WWP2: variants seen among roughly 807,000 people sequenced by gnomAD.
WWP2 encodes WW domain containing E3 ubiquitin protein ligase 2, also known as NEDD4-like E3 ubiquitin-protein ligase WWP2.
Under a neutral mutation model 121.0 loss-of-function variants are expected in WWP2, and 57 were observed. The observed-to-expected ratio is 0.47, with a 90% CI of 0.38 to 0.59. The LOEUF (loss-of-function observed/expected upper bound fraction) is 0.59. WWP2 is among the 20% of genes least tolerant of loss of function. The pLI is 0.00. For missense variants in WWP2, 962 were observed against 1,158.9 expected (o/e 0.83, Z 2.47); for synonymous variants, 449 against 441.3 (o/e 1.02, Z -0.22).
chr16:69,930,820 C>T (rs2058700023), intron 13 of WWP2, among the ~76,000 whole-genome samples: 1 of 152,186 alleles, frequency 6.6e-6, no homozygotes. Context: ...CGCAGTGAGC[C>T]ATGATCACAC....
chr16:69,820,554 T>TA lies in WWP2; in HGVS notation c.341-19557dup, dbSNP rs34777921. Among the ~76,000 whole-genome samples, 687 of 116,688 alleles carry TA rather than the reference T, an allele frequency of 5.9e-3. 52 individuals carry two copies. The highest frequency in any genetic ancestry group is 0.016 in the African/African-American group (567 of 36,568). 76.6% of individuals were successfully genotyped at this position (116,688 alleles called of 152,430 possible). ...CCACCGCTCTTGGCCCCCTGTCTCT[T>TA]AAAAAAAAAAAAAAATAGGACCACA... On this transcript the variant is annotated intron_variant, in intron 4 of 23. Transcript: ENST00000359154.
intron 2 of WWP2, among the ~76,000 whole-genome samples, chr16:69,797,884 A>G (rs1005101910): frequency 1.5e-5 from 2 of 134,244 alleles, no homozygotes; most frequent in Non-Finnish European, 3.1e-5. Context: ...GCCAAACTCT[A>G]TCTCAGAAAA....
Position 69,931,879 on chromosome 16 carries a change from G to A in WWP2, c.1671G>A (p.Gly557=). 1 of 1,613,222 alleles carries A rather than the reference G, an allele frequency of 6.2e-7. No homozygotes were observed. The highest frequency in any genetic ancestry group is 8.5e-7 in the Non-Finnish European group (1 of 1,179,896). ...GTGGCGAGGAGGGCCTGGACTATGG[G>A]GGCATCGCCAGGTGAGCTTGAGTGC... ...IMRGEEGLDY[G]GIAREWFFLL... is the part of the protein sequence containing the mutation. Residue 557 remains glycine (G), a synonymous_variant, in exon 16 of 24, where the codon GGG becomes GGA. Coordinates refer to ENST00000359154, the MANE Select transcript of WWP2 (RefSeq NM_001270454.2).
intron 7 of WWP2, among the ~76,000 whole-genome samples, chr16:69,879,993 C>CT (rs113061460): frequency 0.072 from 10,750 of 149,022 alleles, 417 homozygotes; most frequent in Middle Eastern, 0.12. Context: ...AAATGAGATA[C>CT]TTTTTTTTTT....
intron 5 of WWP2, among the ~76,000 whole-genome samples, chr16:69,841,400 G>A (rs1597035348): frequency 6.6e-6 from 1 of 152,142 alleles, no homozygotes; most frequent in East Asian, 1.9e-4. Flanking sequence ...GGCCAAGGTG[G>A]GAGTGTGGGG....
intron 1 of WWP2, among the ~76,000 whole-genome samples, chr16:69,784,209 C>G (rs889654102): frequency 6.6e-6 from 1 of 150,404 alleles, no homozygotes; most frequent in Non-Finnish European, 1.5e-5. Context: ...CAGCAATTCT[C>G]CTGCCTCAGC....
At chr16:69,905,024 C>A (rs977548356) in intron 8 of WWP2, among the ~76,000 whole-genome samples, 1 of 152,140 alleles carries the variant, frequency 6.6e-6, no homozygotes, top group African/African-American at 2.4e-5. Flanking sequence ...GGGTTCCAGC[C>A]AGTCACAGGC....
At chr16:69,864,813 T>C (rs1207950683) in intron 6 of WWP2, among the ~76,000 whole-genome samples, 5 of 151,836 alleles carry the variant, frequency 3.3e-5, no homozygotes, top group African/African-American at 9.7e-5. Flanking sequence ...GGTTTCACCA[T>C]GTTGGCCAGG....
intron 7 of WWP2, among the ~76,000 whole-genome samples, chr16:69,877,190 C>T (rs566642754): frequency 8.5e-5 from 13 of 152,332 alleles, no homozygotes; most frequent in Non-Finnish European, 1.3e-4. Context: ...TGGCCAACCC[C>T]GTCAATGATC....
chr16:69,908,760 G>C lies in WWP2; in HGVS notation c.915-1G>C. On this transcript the variant is annotated splice_acceptor_variant, in intron 8 of 23. Coordinates refer to ENST00000359154, the MANE Select transcript of WWP2 (RefSeq NM_001270454.2). LOFTEE classifies it high-confidence loss of function. ...ATGCTACCCTTGACTTTATTTTTCA[G>C]ATGGGAACAGCGAGAGCTGCCCAAC... 6.2e-7 allele frequency: 1 copy of C among 1,614,050 alleles called. No homozygotes were observed. Among genetic ancestry groups the C allele is most frequent in the African/African-American group, 1.3e-5 (1 of 75,034 alleles).
chr16:69,847,179 G>A (rs2057098020), intron 6 of WWP2, among the ~76,000 whole-genome samples: 1 of 152,116 alleles, frequency 6.6e-6, no homozygotes, highest in African/African-American at 2.4e-5. Flanking sequence ...CTGCCTCCCA[G>A]GTTCAAGCAA....
At chr16:69,890,806 T>C (rs955017755) in intron 8 of WWP2, 2 of 152,146 alleles carry the variant, frequency 1.3e-5, no homozygotes, top group Non-Finnish European at 2.9e-5. Context: ...TTATTCTAAG[T>C]CTGGCAGATC....
intron 8 of WWP2, among the ~76,000 whole-genome samples, chr16:69,904,895 C>T (rs1158974344): frequency 6.6e-6 from 1 of 152,204 alleles, no homozygotes; most frequent in Non-Finnish European, 1.5e-5. Flanking sequence ...AAGCAAGAGG[C>T]CGTTAGCCTG....
Position 69,935,179 on chromosome 16 carries a change from T to G in WWP2, c.1843-674T>G, listed in dbSNP as rs1448802078. 1.3e-5 allele frequency among the ~76,000 whole-genome samples: 2 copies of G among 152,184 alleles called. No individual in the cohort carries two copies. The highest frequency in any genetic ancestry group is 4.8e-5 in the African/African-American group (2 of 41,448). ...TGTTTCAATTCTCCTTTCCTTCGCT[T>G]CTTCCCCTGCCTTCCTGAGTGTCCC... On this transcript the variant is annotated intron_variant, in intron 17 of 23. Transcript: ENST00000359154. The surrounding 1 kb of genome is among the most constrained non-coding windows in gnomAD (Gnocchi z 5.2).
chr16:69,886,303 C>G (rs961824470), intron 7 of WWP2, among the ~76,000 whole-genome samples: 1 of 152,162 alleles, frequency 6.6e-6, no homozygotes, highest in African/African-American at 2.4e-5. Flanking sequence ...TCTGGAATTC[C>G]TGGGCTCAAG....
chr16:69,926,210 A>G (rs2058637637), intron 11 of WWP2: 1 of 152,224 alleles, frequency 6.6e-6, no homozygotes, highest in Non-Finnish European at 1.5e-5. Context: ...AAGAGTAGCC[A>G]TGCAAAAAGG....
intron 6 of WWP2, 46 bp downstream of exon 6, chr16:69,842,166 A>G (rs200900386): frequency 5.6e-5 from 88 of 1,570,960 alleles, no homozygotes; most frequent in Non-Finnish European, 7.5e-5. Flanking sequence ...AGTTGCTTAG[A>G]GCTATTGAAA....
At chr16:69,773,974 A>ACACAGCTGTCCCTGGCC (rs1036726282) in intron 1 of WWP2, among the ~76,000 whole-genome samples, 2 of 152,090 alleles carry the variant, frequency 1.3e-5, no homozygotes, top group African/African-American at 4.8e-5. Flanking sequence ...TTTTTAAATA[A>ACACAGCTGTCCCTGGCC]CACAGCTGTC....
Position 69,937,697 on chromosome 16 carries a change from A to G in WWP2, c.2343+45A>G, listed in dbSNP as rs775416843. 6 of 1,599,782 alleles carry G rather than the reference A, an allele frequency of 3.8e-6. No individual in the cohort carries two copies. Among genetic ancestry groups the G allele is most frequent in the East Asian group, 4.5e-5 (2 of 44,586 alleles). Reference sequence around the variant, plus strand: ...CTTGGCAGGGACATTTGGGCCATCAACCAAAGGAAACGGGTCCTGAGGAGG... The same window carrying G: ...CTTGGCAGGGACATTTGGGCCATCAGCCAAAGGAAACGGGTCCTGAGGAGG... On this transcript the variant is annotated intron_variant, in intron 21 of 23. Coordinates refer to ENST00000359154, the MANE Select transcript of WWP2 (RefSeq NM_001270454.2). This position sits in a 1 kb window ranked among gnomAD's most constrained non-coding sequence, Gnocchi z 6.6.
Sources: gnomAD v4.1 joint callset for allele counts (sites outside exome capture counted in the v4.1 genomes callset) on GRCh38, gnomAD v4.1.1 for gene constraint, Gnocchi (gnomAD v3.1) non-coding constraint, MANE v1.5 for transcripts, NCBI Gene and HGNC (gene_info 2026-07-23, HGNC 2026-07-21) for gene names.